SPHKAP: variants seen among roughly 807,000 people sequenced by gnomAD.
SPHKAP encodes the protein SPHK1 interactor, AKAP domain containing.
Under a neutral mutation model 137.5 loss-of-function variants are expected in SPHKAP, and 67 were observed. That is an observed-to-expected ratio of 0.49 (90% CI 0.40 to 0.60). The LOEUF (loss-of-function observed/expected upper bound fraction) is 0.60. Among genes scored for constraint, SPHKAP ranks in the 20% least tolerant of loss-of-function variants. The probability of loss-of-function intolerance (pLI) is 0.00; values close to 1 mark genes in which losing one functional copy is unlikely to be tolerated. For missense variants in SPHKAP, 2,097 were observed against 2,069.3 expected (o/e 1.01, Z -0.26); for synonymous variants, 813 against 785.3 (o/e 1.04, Z -0.59).
At chr2:228,135,819 T>A (rs920997000) in intron 1 of SPHKAP, among the ~76,000 whole-genome samples, 1 of 152,122 alleles carries the variant, frequency 6.6e-6, no homozygotes, top group Non-Finnish European at 1.5e-5. Context: ...AGATGACAAG[T>A]GTAATGCAAC....
At chr2:228,150,663 C>G in intron 1 of SPHKAP, among the ~76,000 whole-genome samples, 1 of 150,688 alleles carries the variant, frequency 6.6e-6, no homozygotes, top group South Asian at 2.1e-4. Flanking sequence ...GGGCTTCTAC[C>G]CCTCTTTTAA....
chr2:228,096,510 GAACTTGCCCATACGAA>G (rs1356207842), intron 3 of SPHKAP, among the ~76,000 whole-genome samples: 1 of 152,056 alleles, frequency 6.6e-6, no homozygotes, highest in Non-Finnish European at 1.5e-5. Context: ...GGCCTGGGAG[GAACTTGCCCATACGAA>G]AACTGCATCC....
intron 1 of SPHKAP, chr2:228,173,014 G>A: frequency 1.0e-6 from 1 of 984,896 alleles, no homozygotes; most frequent in Non-Finnish European, 1.2e-6. Context: ...AATGACCACT[G>A]CAATAAACAT....
chr2:228,180,591 C>T (rs1023762474), intron 1 of SPHKAP, among the ~76,000 whole-genome samples: 4 of 152,150 alleles, frequency 2.6e-5, no homozygotes, highest in African/African-American at 9.7e-5. Flanking sequence ...CACGCTAAGC[C>T]GCTGCCCAGG....
intron 2 of SPHKAP, among the ~76,000 whole-genome samples, chr2:228,117,912 T>G (rs975289798): frequency 6.6e-6 from 1 of 150,900 alleles, no homozygotes; most frequent in African/African-American, 2.4e-5. Context: ...CCTGAATAAG[T>G]GAAAAATAGT....
chr2:228,177,801 C>T (rs181285941), intron 1 of SPHKAP, among the ~76,000 whole-genome samples: 9 of 152,190 alleles, frequency 5.9e-5, no homozygotes, highest in Non-Finnish European at 1.3e-4. Flanking sequence ...AGCCTATATA[C>T]ATTATTACAC....
chr2:228,027,871 C>T (rs1695109931), intron 3 of SPHKAP: 1 of 308,192 alleles, frequency 3.2e-6, no homozygotes, highest in Non-Finnish European at 4.6e-6. Context: ...GAGGCTGAGG[C>T]AGGAGAATTG....
chr2:228,035,528 C>G (rs1695553042), intron 3 of SPHKAP, among the ~76,000 whole-genome samples: 1 of 152,120 alleles, frequency 6.6e-6, no homozygotes, highest in African/African-American at 2.4e-5. Context: ...TTGGAAAAAA[C>G]TACTTTAAAG....
At position 228,128,237 on chromosome 2, in the gene SPHKAP, C is replaced by A. The variant is rs114500030; in HGVS notation, c.138+3743G>T. ...CTCTCAAAACTTGCTGCTGTGTTAT[C>A]AATTAAGTTTACGTAATATTCTGAA... On this transcript the variant is annotated intron_variant, in intron 2 of 11. Transcript: ENST00000392056. Among the ~76,000 whole-genome samples, 1,333 of 152,280 alleles carry A rather than the reference C, an allele frequency of 8.8e-3. 9 individuals are homozygous for A. Among genetic ancestry groups the A allele is most frequent in the African/African-American group, 0.031 (1,271 of 41,552 alleles).
chr2:228,109,036 T>G, intron 2 of SPHKAP, 97 bp from the exon 3 acceptor site: 2 of 813,784 alleles, frequency 2.5e-6, no homozygotes, highest in Non-Finnish European at 1.8e-6. Flanking sequence ...AAAAAACCTG[T>G]AGGTGTTTTC....
At chr2:228,032,238 GA>G (rs1695359753) in intron 3 of SPHKAP, among the ~76,000 whole-genome samples, 1 of 152,172 alleles carries the variant, frequency 6.6e-6, no homozygotes, top group Non-Finnish European at 1.5e-5. Context: ...GAAGGATACA[GA>G]AGCCTAAGGA....
At chr2:228,121,679 G>A (rs1698908444) in intron 2 of SPHKAP, among the ~76,000 whole-genome samples, 1 of 152,190 alleles carries the variant, frequency 6.6e-6, no homozygotes, top group Non-Finnish European at 1.5e-5. Context: ...TGGAGAGTAT[G>A]AGCCCTGATA....
intron 1 of SPHKAP, among the ~76,000 whole-genome samples, chr2:228,170,818 G>T (rs745438256): frequency 6.6e-6 from 1 of 151,966 alleles, no homozygotes. Flanking sequence ...CCATATCGCT[G>T]GGGTATATCT....
chr2:227,981,849 G>A lies in SPHKAP; in HGVS notation c.4971C>T (p.Val1657=), dbSNP rs749944414. 7.4e-6 allele frequency: 12 copies of A among 1,612,820 alleles called. No homozygotes were observed. The highest frequency in any genetic ancestry group is 4.4e-5 in the South Asian group (4 of 90,932). Residue 1657 remains valine (V), a synonymous_variant, in exon 12 of 12, where the codon GTC becomes GTT. Coordinates refer to ENST00000392056, the MANE Select transcript of SPHKAP (RefSeq NM_001142644.2). ...QENRIEKFLD[V]VQLVHRKSWK... The stretch of plus-strand genomic sequence containing the variant: ...AGGACTTCCGATGAACCAGCTGCAC[G>A]ACATCTAGAAACTAAAATAAAACGG...
chr2:228,170,892 G>A (rs530840623), intron 1 of SPHKAP, among the ~76,000 whole-genome samples: 12 of 152,056 alleles, frequency 7.9e-5, no homozygotes, highest in African/African-American at 1.9e-4. Context: ...GCAATAAAGC[G>A]GAAAAACACA....
chr2:228,047,673 G>A (rs13402837), intron 3 of SPHKAP, among the ~76,000 whole-genome samples: 58,184 of 151,848 alleles, frequency 0.38, 11,617 homozygotes, highest in South Asian at 0.52. Context: ...CTCTGTGCTC[G>A]CAGAGCTAGG....
intron 2 of SPHKAP, 105 bp from the exon 3 acceptor site, chr2:228,109,044 T>C (rs977309952): frequency 4.0e-6 from 3 of 746,168 alleles, no homozygotes; most frequent in South Asian, 2.4e-5. Flanking sequence ...TGTAGGTGTT[T>C]TCTTTTCCTC....
At chr2:228,030,706 G>C (rs916580120) in intron 3 of SPHKAP, among the ~76,000 whole-genome samples, 2 of 149,738 alleles carry the variant, frequency 1.3e-5, no homozygotes, top group African/African-American at 4.9e-5. Context: ...CTAATTGACT[G>C]CCCAATGCAC....
At chr2:228,031,308 G>C (rs1031259223) in intron 3 of SPHKAP, among the ~76,000 whole-genome samples, 1 of 152,138 alleles carries the variant, frequency 6.6e-6, no homozygotes, top group African/African-American at 2.4e-5. Flanking sequence ...AGGCAGCAGC[G>C]AGGCTGGGGG....
Sources: gnomAD v4.1 joint callset for allele counts (sites outside exome capture counted in the v4.1 genomes callset) on GRCh38, gnomAD v4.1.1 for gene constraint, MANE v1.5 for transcripts, NCBI Gene and HGNC (gene_info 2026-07-23, HGNC 2026-07-21) for gene names.